Variants in MPZL1 observed in about 807,000 individuals in gnomAD.
MPZL1 encodes the protein myelin protein zero-like protein 1.
Under a neutral mutation model 29.3 loss-of-function variants are expected in MPZL1, and 16 were observed. The observed-to-expected ratio is 0.55, with a 90% CI of 0.37 to 0.83. The LOEUF (loss-of-function observed/expected upper bound fraction) is 0.83, where lower values mean the gene tolerates loss of function less well. MPZL1 is among the 40% of genes least tolerant of loss of function. The pLI, the probability that MPZL1 is intolerant of heterozygous loss-of-function variation, is 0.00. For missense variants in MPZL1, 279 were observed against 332.9 expected (o/e 0.84, Z 1.26); for synonymous variants, 143 against 132.0 (o/e 1.08, Z -0.57).
chr1:167,739,274 C>CATATATATATATACATATATAT (rs201991698), intron 1 of MPZL1, among the ~76,000 whole-genome samples: 3 of 83,284 alleles, frequency 3.6e-5, no homozygotes, highest in African/African-American at 2.0e-4. Flanking sequence ...TACATATATA[C>CATATATATATATACATATATAT]ATATATACAT....
chr1:167,722,043 G>C lies in MPZL1; in HGVS notation c.-109G>C, dbSNP rs573492247. On this transcript the variant is annotated 5_prime_UTR_variant, in exon 1 of 6. Coordinates refer to ENST00000359523, the MANE Select transcript of MPZL1 (RefSeq NM_003953.6). The stretch of plus-strand genomic sequence containing the variant: ...GAGCGCGGCGTGGAGGTGCCACCCG[G>C]CGCGGGTGGCGGAGAGATCAGAAGC... The C allele has an allele frequency of 4.0e-4, 492 of 1,218,462 alleles. 4 individuals are homozygous for C. The African/African-American group carries it at 6.9e-3, about 17-fold the overall frequency. 75.5% of individuals were successfully genotyped at this position (1,218,462 alleles called of 1,614,324 possible).
At chr1:167,728,393 A>G (rs1487022315) in intron 1 of MPZL1, among the ~76,000 whole-genome samples, 5 of 107,090 alleles carry the variant, frequency 4.7e-5, no homozygotes, top group Middle Eastern at 7.5e-3. Flanking sequence ...TTTTTAGTAG[A>G]GATGGGGTTT....
chr1:167,771,435 C>A (rs1661245414), intron 2 of MPZL1, among the ~76,000 whole-genome samples: 1 of 152,144 alleles, frequency 6.6e-6, no homozygotes, highest in Non-Finnish European at 1.5e-5. Context: ...TCTTTCTTTT[C>A]CCCACATTTC....
intron 1 of MPZL1, among the ~76,000 whole-genome samples, chr1:167,747,990 T>C (rs972908213): frequency 3.9e-5 from 6 of 152,232 alleles, no homozygotes; most frequent in Non-Finnish European, 8.8e-5. Flanking sequence ...TATGGGGCCT[T>C]TTCTGTCTGG....
intron 1 of MPZL1, among the ~76,000 whole-genome samples, chr1:167,755,227 C>CT (rs1660843833): frequency 6.6e-6 from 1 of 152,074 alleles, no homozygotes; most frequent in Non-Finnish European, 1.5e-5. Flanking sequence ...GGAATATATT[C>CT]TTATTGCCAT....
intron 1 of MPZL1, among the ~76,000 whole-genome samples, chr1:167,747,448 C>G (rs1028385788): frequency 6.6e-6 from 1 of 152,156 alleles, no homozygotes; most frequent in African/African-American, 2.4e-5. Context: ...TGGTCTAGAA[C>G]TCCTAGGCTC....
intron 1 of MPZL1, among the ~76,000 whole-genome samples, chr1:167,756,059 G>A (rs1660862289): frequency 6.6e-6 from 1 of 152,188 alleles, no homozygotes; most frequent in African/African-American, 2.4e-5. Flanking sequence ...TACAAAAAAG[G>A]TTAAGGATAG....
chr1:167,726,246 A>G (rs1263450428), intron 1 of MPZL1, among the ~76,000 whole-genome samples: 1 of 152,200 alleles, frequency 6.6e-6, no homozygotes, highest in East Asian at 1.9e-4. Flanking sequence ...TCCATCACAG[A>G]GGCTCTAAGT....
chr1:167,756,271 C>G (rs937521735), intron 1 of MPZL1, among the ~76,000 whole-genome samples: 2 of 151,998 alleles, frequency 1.3e-5, no homozygotes, highest in African/African-American at 4.8e-5. Context: ...ATCTCAGCCC[C>G]CTGAGTAGCT....
chr1:167,724,291 G>A (rs967765044), intron 1 of MPZL1, among the ~76,000 whole-genome samples: 11 of 152,198 alleles, frequency 7.2e-5, no homozygotes, highest in African/African-American at 2.4e-4. Context: ...GGGAATGGTG[G>A]GAGTTGAGGC....
chr1:167,778,100 A>G (rs922718076), intron 5 of MPZL1, among the ~76,000 whole-genome samples: 6 of 152,170 alleles, frequency 3.9e-5, no homozygotes, highest in African/African-American at 1.2e-4. Flanking sequence ...AGGCGGGTGG[A>G]TCACGAGGTC....
intron 1 of MPZL1, among the ~76,000 whole-genome samples, chr1:167,763,023 G>A (rs913870182): frequency 2.0e-5 from 3 of 152,258 alleles, no homozygotes; most frequent in Admixed American, 1.3e-4. Flanking sequence ...AAAGCCACCT[G>A]TTTATTACCT....
At position 167,746,744 on chromosome 1, in the gene MPZL1, G is replaced by A. The variant is rs111666377; in HGVS notation, c.92-18839G>A. Reference sequence around the variant, plus strand: ...CCATTTGGATGGAAATTTAGGAGTGGAACATGTGTTTCTAAGCTGTTTTTG... The same window carrying A: ...CCATTTGGATGGAAATTTAGGAGTGAAACATGTGTTTCTAAGCTGTTTTTG... On this transcript the variant is annotated intron_variant, in intron 1 of 5. Transcript: ENST00000359523. Among the ~76,000 whole-genome samples, 1,271 of 152,202 alleles carry A rather than the reference G, an allele frequency of 8.4e-3. 15 individuals carry two copies. The highest frequency in any genetic ancestry group is 0.028 in the African/African-American group (1,160 of 41,518).
chr1:167,726,539 G>A (rs950988885), intron 1 of MPZL1, among the ~76,000 whole-genome samples: 1 of 152,154 alleles, frequency 6.6e-6, no homozygotes, highest in Non-Finnish European at 1.5e-5. Context: ...GCAATATGTA[G>A]TTATGATTTA....
intron 1 of MPZL1, among the ~76,000 whole-genome samples, chr1:167,754,340 A>G (rs895267614): frequency 6.6e-6 from 1 of 152,176 alleles, no homozygotes; most frequent in Admixed American, 6.5e-5. Flanking sequence ...TGCGTATTTC[A>G]TTTGTTTCCA....
chr1:167,731,489 T>A (rs2101748307), intron 1 of MPZL1, among the ~76,000 whole-genome samples: 1 of 141,566 alleles, frequency 7.1e-6, no homozygotes, highest in South Asian at 2.2e-4. Context: ...CAGGCTGGAG[T>A]GCAGTGGCGC....
At chr1:167,732,426 A>G (rs934696291) in intron 1 of MPZL1, among the ~76,000 whole-genome samples, 9 of 152,110 alleles carry the variant, frequency 5.9e-5, no homozygotes, top group African/African-American at 2.2e-4. Context: ...AATACAAAAT[A>G]CAGTTTAGTT....
intron 1 of MPZL1, among the ~76,000 whole-genome samples, chr1:167,728,308 C>T (rs914030688): frequency 1.3e-5 from 2 of 151,318 alleles, no homozygotes; most frequent in South Asian, 2.1e-4. Context: ...GGATTACAGG[C>T]GTGAGCCACC....
intron 1 of MPZL1, among the ~76,000 whole-genome samples, chr1:167,763,783 T>C (rs1253413820): frequency 6.6e-6 from 1 of 152,222 alleles, no homozygotes; most frequent in Non-Finnish European, 1.5e-5. Flanking sequence ...CTGAAAGAAA[T>C]GCTTGTTTTG....
Sources: allele counts gnomAD v4.1 joint callset (sites outside exome capture counted in the v4.1 genomes callset), GRCh38; gene constraint gnomAD v4.1.1; transcripts MANE v1.5; gene names NCBI Gene and HGNC (gene_info 2026-07-23, HGNC 2026-07-21).